ADAM22: variants seen among roughly 807,000 people sequenced by gnomAD.
ADAM22 encodes the protein ADAM metallopeptidase domain 22, also known as disintegrin and metalloproteinase domain-containing protein 22.
In ADAM22, 65 loss-of-function variants were observed where a neutral mutation model predicts 144.6. That is an observed-to-expected ratio of 0.45 (90% confidence interval 0.37 to 0.55). The LOEUF (loss-of-function observed/expected upper bound fraction) is 0.55. Ranked by LOEUF, ADAM22 falls within the 20% of genes least tolerant of loss-of-function variation. The pLI is 0.00. For missense variants in ADAM22, 974 were observed against 1,184.9 expected, an observed-to-expected ratio of 0.82 and a Z score of 2.61; for synonymous variants, 391 against 412.6, an observed-to-expected ratio of 0.95 and a Z score of 0.63.
intron 3 of ADAM22, among the ~76,000 whole-genome samples, chr7:88,004,189 T>C (rs2282949): frequency 0.48 from 72,871 of 152,030 alleles, 17,765 homozygotes; most frequent in East Asian, 0.64. Context: ...TTTCCTGTAA[T>C]TTGGTACCTG....
At chr7:88,040,027 C>T (rs189692803) in intron 3 of ADAM22, among the ~76,000 whole-genome samples, 1 of 152,156 alleles carries the variant, frequency 6.6e-6, no homozygotes, top group East Asian at 1.9e-4. Flanking sequence ...TTTGCTAAGC[C>T]TGACCTCTTT....
rs1315732003 is a variant in ADAM22 at position 88,126,471 on chromosome 7, A to T, written c.678+812A>T. Among the ~76,000 whole-genome samples the T allele has an allele frequency of 2.0e-5, 3 of 152,006 alleles. No individual in the cohort carries two copies. The South Asian group carries it at 6.2e-4, about 31-fold the overall frequency. ...AAATAAAATATATGTTTACAGACAG[A>T]TTTTTATTGTGAATAATTATTGCTA... On this transcript the variant is annotated intron_variant, in intron 8 of 31. Transcript: ENST00000413139.
chr7:88,106,068 T>A (rs1824298422), intron 4 of ADAM22, among the ~76,000 whole-genome samples: 1 of 151,912 alleles, frequency 6.6e-6, no homozygotes, highest in Admixed American at 6.6e-5. Flanking sequence ...AAGGCGCCAA[T>A]AGCTCACATT....
intron 3 of ADAM22, among the ~76,000 whole-genome samples, chr7:87,988,958 C>A (rs1342410825): frequency 6.6e-6 from 1 of 151,884 alleles, no homozygotes; most frequent in African/African-American, 2.4e-5. Context: ...AAGATTTTCC[C>A]TAAAAAATTG....
At chr7:88,004,984 G>A (rs1793440504) in intron 3 of ADAM22, among the ~76,000 whole-genome samples, 1 of 152,086 alleles carries the variant, frequency 6.6e-6, no homozygotes, top group Non-Finnish European at 1.5e-5. Context: ...AGAATTTAAT[G>A]CTATATTATT....
chr7:88,088,429 T>A (rs537229636), intron 4 of ADAM22, among the ~76,000 whole-genome samples: 1 of 152,140 alleles, frequency 6.6e-6, no homozygotes, highest in Admixed American at 6.6e-5. Context: ...GATTTCCATT[T>A]CTTCTTTCTT....
At chr7:88,059,926 T>C (rs1397277745) in intron 3 of ADAM22, among the ~76,000 whole-genome samples, 4 of 152,014 alleles carry the variant, frequency 2.6e-5, no homozygotes, top group African/African-American at 9.7e-5. Context: ...ATATTTACTA[T>C]TTGGTTGAGG....
intron 3 of ADAM22, among the ~76,000 whole-genome samples, chr7:87,995,663 T>G (rs1235168050): frequency 2.0e-5 from 3 of 152,142 alleles, no homozygotes; most frequent in African/African-American, 7.2e-5. Context: ...AAAACTGTGC[T>G]TTTAGAAGCT....
chr7:88,184,795 T>C (rs1008113290), intron 29 of ADAM22, among the ~76,000 whole-genome samples: 16 of 152,272 alleles, frequency 1.1e-4, no homozygotes, highest in Middle Eastern at 3.4e-3. Context: ...AAGAACTCTC[T>C]GGTGAAGTGA....
intron 4 of ADAM22, among the ~76,000 whole-genome samples, chr7:88,086,690 C>T (rs1185330104): frequency 2.0e-5 from 3 of 152,042 alleles, no homozygotes; most frequent in Non-Finnish European, 2.9e-5. Context: ...ATCAGAATAC[C>T]TTGGGAATAC....
rs1231857109 is a variant in ADAM22 at position 88,171,536 on chromosome 7, A to G, written c.2283-8A>G. The G allele has an allele frequency of 2.5e-6, 4 of 1,592,574 alleles. No homozygotes were observed. Among genetic ancestry groups the G allele is most frequent in the Non-Finnish European group, 3.4e-6 (4 of 1,171,842 alleles). ...TTTTTCCCTCTTTCTCTTCTTGTCC[A>G]TGAAAAGAAACTATCGAGAACAGAG... On this transcript the variant is annotated splice_polypyrimidine_tract_variant and splice_region_variant and intron_variant, in intron 25 of 31. Transcript: ENST00000413139.
intron 2 of ADAM22, among the ~76,000 whole-genome samples, chr7:87,977,290 G>A (rs911470329): frequency 7.2e-5 from 11 of 152,154 alleles, no homozygotes; most frequent in Admixed American, 2.6e-4. Context: ...TTTACTGTGT[G>A]TGAAATCCCA....
intron 2 of ADAM22, among the ~76,000 whole-genome samples, chr7:87,941,419 A>G (rs1842453679): frequency 6.6e-6 from 1 of 152,132 alleles, no homozygotes; most frequent in Admixed American, 6.5e-5. Flanking sequence ...TTGATGGTAA[A>G]TTGTCTGCAG....
At chr7:87,998,266 AC>A in intron 3 of ADAM22, among the ~76,000 whole-genome samples, 1 of 152,184 alleles carries the variant, frequency 6.6e-6, no homozygotes, top group Admixed American at 6.5e-5. Flanking sequence ...CTTTGGCAAC[AC>A]CCTTACAGAC....
At chr7:88,080,926 G>C (rs1816380243) in intron 4 of ADAM22, among the ~76,000 whole-genome samples, 1 of 152,126 alleles carries the variant, frequency 6.6e-6, no homozygotes, top group Admixed American at 6.5e-5. Flanking sequence ...GGAGGAACTG[G>C]TACCATTCCT....
At chr7:88,186,120 T>A (rs549458586) in intron 29 of ADAM22, 1 of 184,216 alleles carries the variant, frequency 5.4e-6, no homozygotes, top group Admixed American at 6.1e-5. Flanking sequence ...AGTAAGACAG[T>A]GGTCACGTAA....
chr7:88,028,505 A>G (rs1230495877), intron 3 of ADAM22, among the ~76,000 whole-genome samples: 2 of 152,180 alleles, frequency 1.3e-5, no homozygotes, highest in African/African-American at 4.8e-5. Flanking sequence ...CATTTGTTCT[A>G]TAATGCAGAT....
intron 3 of ADAM22, among the ~76,000 whole-genome samples, chr7:87,982,066 TATACACACACACACACAC>T (rs1853643363): frequency 2.3e-5 from 2 of 86,462 alleles, no homozygotes; most frequent in East Asian, 7.9e-4. Flanking sequence ...TATATATATA[TATACACACACACACACAC>T]ACACACACAC....
At chr7:88,107,632 C>T (rs1421808020) in intron 4 of ADAM22, among the ~76,000 whole-genome samples, 1 of 152,094 alleles carries the variant, frequency 6.6e-6, no homozygotes, top group African/African-American at 2.4e-5. Flanking sequence ...TTTGTCCAGG[C>T]TGGAGTGCAG....
Sources: allele counts gnomAD v4.1 joint callset (sites outside exome capture counted in the v4.1 genomes callset), GRCh38; gene constraint gnomAD v4.1.1; transcripts MANE v1.5; gene names NCBI Gene and HGNC (gene_info 2026-07-23, HGNC 2026-07-21).